Variants in PCDHA8 observed in about 807,000 individuals in gnomAD.
The protein encoded by PCDHA8 is protocadherin alpha 8.
A neutral mutation model predicts 61.8 loss-of-function variants in PCDHA8; 53 were observed. The ratio of observed to expected loss-of-function variants is 0.86; its 90% CI spans 0.69 to 1.08. PCDHA8 has a LOEUF of 1.08. Ranked by LOEUF, PCDHA8 falls within the 50% of genes least tolerant of loss-of-function variation. The probability of loss-of-function intolerance (pLI) is 0.00; values close to 1 mark genes in which losing one functional copy is unlikely to be tolerated. For missense variants in PCDHA8, 1,293 were observed against 1,245.0 expected, an observed-to-expected ratio of 1.04 and a Z score of -0.58; for synonymous variants, 618 against 556.6, an observed-to-expected ratio of 1.11 and a Z score of -1.55.
At chr5:140,954,015 C>T (rs1322183660) in intron 1 of PCDHA8, among the ~76,000 whole-genome samples, 4 of 152,136 alleles carry the variant, frequency 2.6e-5, no homozygotes, top group African/African-American at 7.2e-5. Context: ...AGCTCCCACA[C>T]ATAGTGGGAC....
At chr5:140,964,212 A>G (rs1195642946) in intron 1 of PCDHA8, among the ~76,000 whole-genome samples, 11 of 152,244 alleles carry the variant, frequency 7.2e-5, no homozygotes, top group African/African-American at 2.7e-4. Flanking sequence ...TCTTTAGTAC[A>G]ATGTCTTTCA....
At chr5:140,919,358 T>C (rs2153553560) in intron 1 of PCDHA8, among the ~76,000 whole-genome samples, 1 of 152,356 alleles carries the variant, frequency 6.6e-6, no homozygotes, top group East Asian at 1.9e-4. Flanking sequence ...AATCTAAAAG[T>C]GTCTCCTGCA....
rs73266040 is a variant in PCDHA8 at position 140,926,675 on chromosome 5, C to G, written c.2395-52274C>G. 1.5e-3 allele frequency: 923 copies of G among 601,544 alleles called. 7 individuals carry two copies. The African/African-American group carries it at 0.016, about 11-fold the overall frequency. The allele number at this position is 601,544 out of a possible 1,614,324, so 37.3% of individuals were successfully genotyped here. ...TCCGCTTTCCCAGACGGCTGCCCAG[C>G]CTCCAGCCTAGCAAGCCCGGCTCCC... On this transcript the variant is annotated intron_variant, in intron 1 of 3. Coordinates refer to ENST00000531613, the MANE Select transcript of PCDHA8 (RefSeq NM_018911.3).
chr5:140,858,296 C>T, intron 1 of PCDHA8: 1 of 1,597,390 alleles, frequency 6.3e-7, no homozygotes, highest in East Asian at 2.2e-5. Flanking sequence ...GTCTTACTCG[C>T]AGCAGAGGCG....
intron 1 of PCDHA8, chr5:140,860,323 G>C (rs782283348): frequency 2.6e-5 from 4 of 152,078 alleles, no homozygotes; most frequent in Non-Finnish European, 5.9e-5. Flanking sequence ...TGAGGCTGCA[G>C]TGACCCATGA....
intron 1 of PCDHA8, chr5:140,870,016 G>T (rs1554163708): frequency 6.2e-7 from 1 of 1,613,566 alleles, no homozygotes; most frequent in African/African-American, 1.3e-5. Flanking sequence ...GAGGGTCAAT[G>T]GAACTTTAGA....
intron 1 of PCDHA8, chr5:140,868,213 A>G (rs1296985055): frequency 6.6e-6 from 1 of 152,200 alleles, no homozygotes; most frequent in Non-Finnish European, 1.5e-5. Flanking sequence ...GAAATAATAT[A>G]TGTCAAATAA....
chr5:140,849,643 G>A, intron 1 of PCDHA8: 1 of 1,598,612 alleles, frequency 6.3e-7, no homozygotes, highest in Non-Finnish European at 8.6e-7. Flanking sequence ...GATGCCAACG[G>A]GCAGGTTACC....
chr5:140,974,661 G>A (rs542677478), intron 1 of PCDHA8, among the ~76,000 whole-genome samples: 4 of 152,066 alleles, frequency 2.6e-5, no homozygotes, highest in South Asian at 4.2e-4. Context: ...ACAGGCATGC[G>A]CCACCATGCC....
At chr5:140,931,023 T>C (rs146623712) in intron 1 of PCDHA8, among the ~76,000 whole-genome samples, 1 of 152,322 alleles carries the variant, frequency 6.6e-6, no homozygotes, top group African/African-American at 2.4e-5. Context: ...AATTTTCTGA[T>C]TGTAGAGCTA....
chr5:140,993,462 T>TCACACACACACACA (rs3836747), intron 3 of PCDHA8, among the ~76,000 whole-genome samples: 3 of 140,938 alleles, frequency 2.1e-5, no homozygotes, highest in African/African-American at 5.3e-5. Flanking sequence ...TCTTTCTTTC[T>TCACACACACACACA]CACACACACA....
intron 1 of PCDHA8, among the ~76,000 whole-genome samples, chr5:140,978,595 G>A (rs2096811492): frequency 6.6e-6 from 1 of 152,214 alleles, no homozygotes; most frequent in African/African-American, 2.4e-5. Flanking sequence ...CCTTAATGGG[G>A]CACTTGAGGG....
intron 1 of PCDHA8, among the ~76,000 whole-genome samples, chr5:140,899,167 T>C (rs1314014582): frequency 3.3e-5 from 5 of 152,124 alleles, no homozygotes; most frequent in Admixed American, 6.5e-5. Context: ...CTTTTCCTAA[T>C]TGAATACCCT....
At chr5:140,878,747 A>G (rs1371286502) in intron 1 of PCDHA8, among the ~76,000 whole-genome samples, 1 of 152,186 alleles carries the variant, frequency 6.6e-6, no homozygotes, top group Non-Finnish European at 1.5e-5. Context: ...ACTTTCTTAC[A>G]TATCTTTAGT....
intron 1 of PCDHA8, chr5:140,863,233 C>A (rs2047882202): frequency 1.6e-6 from 2 of 1,240,300 alleles, no homozygotes; most frequent in South Asian, 1.2e-5. Flanking sequence ...GGTCCCATCG[C>A]GGGCTTTGGC....
At chr5:140,858,045 T>A (rs2150410176) in intron 1 of PCDHA8, 2 of 1,597,338 alleles carry the variant, frequency 1.3e-6, no homozygotes, top group Non-Finnish European at 1.7e-6. Flanking sequence ...ACTGTGCTTG[T>A]GTCGCTTGTG....
At chr5:140,978,767 AC>A (rs1167493285) in intron 1 of PCDHA8, among the ~76,000 whole-genome samples, 181 bp from the exon 2 acceptor site, 4 of 152,342 alleles carry the variant, frequency 2.6e-5, no homozygotes, top group South Asian at 2.1e-4. Flanking sequence ...ACCCTGATGA[AC>A]TAATTTTCTT....
At chr5:140,939,149 C>T (rs2092323339) in intron 1 of PCDHA8, among the ~76,000 whole-genome samples, 1 of 152,124 alleles carries the variant, frequency 6.6e-6, no homozygotes, top group South Asian at 2.1e-4. Flanking sequence ...GATCAAGGTC[C>T]TGGCAGATTT....
intron 1 of PCDHA8, among the ~76,000 whole-genome samples, chr5:140,963,604 T>A (rs1379826259): frequency 6.6e-6 from 1 of 152,234 alleles, no homozygotes; most frequent in Non-Finnish European, 1.5e-5. Flanking sequence ...CTAGACGTAA[T>A]TGGGAAAGCT....
Sources: allele counts gnomAD v4.1 joint callset (sites outside exome capture counted in the v4.1 genomes callset), GRCh38; gene constraint gnomAD v4.1.1; transcripts MANE v1.5; gene names NCBI Gene and HGNC (gene_info 2026-07-23, HGNC 2026-07-21).